PREP: variants seen among roughly 807,000 people sequenced by gnomAD.
The protein encoded by PREP is dJ355L5.1 (prolyl endopeptidase).
A neutral mutation model predicts 87.6 loss-of-function variants in PREP; 29 were observed. The observed-to-expected ratio is 0.33, with a 90% CI of 0.25 to 0.45. PREP has a LOEUF of 0.45. Among genes scored for constraint, PREP ranks in the 20% least tolerant of loss-of-function variants. PREP has a pLI of 1.00. For missense variants in PREP, 695 were observed against 886.5 expected (o/e 0.78, Z 2.74); for synonymous variants, 337 against 328.6 (o/e 1.03, Z -0.28).
At position 105,277,574 on chromosome 6, in the gene PREP, A is replaced by AACTT. The variant is rs1471134066; in HGVS notation, c.*566_*569dup. On this transcript the variant is annotated 3_prime_UTR_variant, in exon 15 of 15. Transcript: ENST00000652536. ...AACAAGGGAGACAGAGTGGATGAAC[A>AACTT]ACTTATTTTCAAAGCTAACAAACAT... 1 of 153,244 alleles carries AACTT rather than the reference A, an allele frequency of 6.5e-6. No individual in the cohort carries two copies. Among genetic ancestry groups the AACTT allele is most frequent in the Non-Finnish European group, 1.4e-5 (1 of 68,984 alleles). The allele number at this position is 153,244 out of a possible 1,614,324, so 9.5% of individuals were successfully genotyped here.
intron 5 of PREP, among the ~76,000 whole-genome samples, chr6:105,372,711 A>G (rs1464399679): frequency 6.6e-6 from 1 of 152,250 alleles, no homozygotes; most frequent in Non-Finnish European, 1.5e-5. Context: ...TTACTGTAGC[A>G]GTAAAGTTTT....
chr6:105,381,650 C>A (rs1410789369), intron 2 of PREP, among the ~76,000 whole-genome samples: 1 of 152,112 alleles, frequency 6.6e-6, no homozygotes, highest in African/African-American at 2.4e-5. Flanking sequence ...GATTTTATAT[C>A]CATAGATGAA....
At chr6:105,364,280 A>G (rs1372271272) in intron 6 of PREP, among the ~76,000 whole-genome samples, 1 of 152,234 alleles carries the variant, frequency 6.6e-6, no homozygotes, top group Non-Finnish European at 1.5e-5. Flanking sequence ...TCGTCCCGGG[A>G]AGACACGCTG....
chr6:105,388,905 T>C (rs1321659172), intron 2 of PREP, among the ~76,000 whole-genome samples: 1 of 152,236 alleles, frequency 6.6e-6, no homozygotes, highest in Non-Finnish European at 1.5e-5. Context: ...TTAAGGCTAC[T>C]GCCTTTAAGT....
chr6:105,393,923 C>CTTTT (rs571952819), intron 2 of PREP, among the ~76,000 whole-genome samples: 1 of 145,662 alleles, frequency 6.9e-6, no homozygotes, highest in Admixed American at 6.9e-5. Flanking sequence ...AGGTATTTTA[C>CTTTT]TTTTTTTTTT....
Position 105,377,387 on chromosome 6 carries a change from G to A in PREP, c.253C>T (p.Arg85Trp), listed in dbSNP as rs1474917244. 1.2e-5 allele frequency: 19 copies of A among 1,600,704 alleles called. No individual in the cohort carries two copies. The highest frequency in any genetic ancestry group is 1.7e-4 in the Middle Eastern group (1 of 6,058). The change falls in exon 3 of 15, where the codon CGG becomes TGG. Residue 85 changes from arginine to tryptophan, a missense_variant and splice_region_variant. By Grantham distance (101) the Arg-to-Trp change is moderately radical (BLOSUM62 -3). Coordinates refer to ENST00000652536, the MANE Select transcript of PREP (RefSeq NM_002726.5). ...KYSCHFKKGK[R>W]YFYFYNTGLQ... The stretch of plus-strand genomic sequence containing the variant: ...GAAATTCAGTAAAAGCAGTCTCACC[G>A]TTTTCCTTTCTTGAAGTGGCAACTA...
At chr6:105,393,601 T>C (rs1310836288) in intron 2 of PREP, among the ~76,000 whole-genome samples, 1 of 152,188 alleles carries the variant, frequency 6.6e-6, no homozygotes, top group Non-Finnish European at 1.5e-5. Context: ...AGTAGATACA[T>C]TATGCAAGCT....
At position 105,278,966 on chromosome 6, in the gene PREP, C is replaced by T. The variant is rs1453313628; in HGVS notation, c.1839-528G>A. On this transcript the variant is annotated intron_variant, in intron 14 of 14. Coordinates refer to ENST00000652536, the MANE Select transcript of PREP (RefSeq NM_002726.5). The surrounding 1 kb of genome is among the most constrained non-coding windows in gnomAD (Gnocchi z 4.2). ...TCTCTGGGCCTAGTTTCTTTGTAAA[C>T]CGAGAAACCTGGATGGGCTGTTGAG... 2 of 152,276 alleles carry T rather than the reference C, an allele frequency of 1.3e-5. No homozygotes were observed. Among genetic ancestry groups the T allele is most frequent in the Admixed American group, 1.3e-4 (2 of 15,294 alleles). The allele number at this position is 152,276 out of a possible 1,614,324, so 9.4% of individuals were successfully genotyped here.
chr6:105,303,170 TCCTCCTGGCTCAG>T (rs1446178526), intron 10 of PREP, among the ~76,000 whole-genome samples: 1 of 151,756 alleles, frequency 6.6e-6, no homozygotes, highest in Non-Finnish European at 1.5e-5. Context: ...GCAATCCTCA[TCCTCCTGGCTCAG>T]CCTCCTGAGT....
At chr6:105,328,222 A>G (rs1403617139) in intron 9 of PREP, among the ~76,000 whole-genome samples, 1 of 152,184 alleles carries the variant, frequency 6.6e-6, no homozygotes, top group East Asian at 1.9e-4. Context: ...TCATGCATAT[A>G]GACCAAAGAC....
chr6:105,393,033 C>T (rs1326292364), intron 2 of PREP, among the ~76,000 whole-genome samples: 1 of 152,176 alleles, frequency 6.6e-6, no homozygotes, highest in Non-Finnish European at 1.5e-5. Flanking sequence ...ATTTTGGTCC[C>T]AGACTGAAAA....
intron 6 of PREP, among the ~76,000 whole-genome samples, chr6:105,359,068 T>G (rs754031029): frequency 3.3e-5 from 5 of 152,172 alleles, no homozygotes; most frequent in Non-Finnish European, 5.9e-5. Context: ...AAAGACACAA[T>G]TTAACACGTG....
At chr6:105,321,118 A>G (rs1007734471) in intron 10 of PREP, among the ~76,000 whole-genome samples, 1 of 152,224 alleles carries the variant, frequency 6.6e-6, no homozygotes, top group African/African-American at 2.4e-5. Flanking sequence ...TTTTAATAAC[A>G]GTACTACGTG....
At chr6:105,297,542 TGA>T (rs1191642315) in intron 10 of PREP, among the ~76,000 whole-genome samples, 1 of 152,186 alleles carries the variant, frequency 6.6e-6, no homozygotes, top group Non-Finnish European at 1.5e-5. Context: ...CTGTAACCAA[TGA>T]GAGAGCTGAT....
intron 10 of PREP, among the ~76,000 whole-genome samples, chr6:105,313,516 T>C (rs1030309776): frequency 6.6e-6 from 1 of 152,230 alleles, no homozygotes; most frequent in South Asian, 2.1e-4. Context: ...AAGCCTTCTC[T>C]AGGCAGAGCA....
chr6:105,336,849 G>C (rs901470628), intron 7 of PREP, among the ~76,000 whole-genome samples: 6 of 152,088 alleles, frequency 3.9e-5, no homozygotes, highest in African/African-American at 7.2e-5. Flanking sequence ...TCCACCTCGT[G>C]GTGGGCTGTA....
rs186522828 is a variant in PREP, at chr6:105,321,532, T to G, written c.1317+2133A>C. Among the ~76,000 whole-genome samples the G allele has an allele frequency of 2.1e-3, 316 of 152,350 alleles. 3 individuals carry two copies. The highest frequency in any genetic ancestry group is 2.6e-3 in the Admixed American group (40 of 15,306). ...CACAGAAGCACTTTCTTAGCTGCCA[T>G]GTTTTATCTTTTCATTTGTAAATGA... On this transcript the variant is annotated intron_variant, in intron 10 of 14. Transcript: ENST00000652536.
chr6:105,394,923 G>A (rs1773251049), intron 2 of PREP, among the ~76,000 whole-genome samples: 1 of 150,416 alleles, frequency 6.6e-6, no homozygotes, highest in African/African-American at 2.5e-5. Context: ...CAGAAATGTG[G>A]AGATCTAGAA....
At chr6:105,387,607 T>TAA (rs564808829) in intron 2 of PREP, among the ~76,000 whole-genome samples, 5 of 94,372 alleles carry the variant, frequency 5.3e-5, no homozygotes, top group Non-Finnish European at 7.4e-5. Flanking sequence ...GCTGATGAGC[T>TAA]AAAAAAAAAA....
Sources: gnomAD v4.1 joint callset for allele counts (sites outside exome capture counted in the v4.1 genomes callset) on GRCh38, gnomAD v4.1.1 for gene constraint, Gnocchi (gnomAD v3.1) non-coding constraint, MANE v1.5 for transcripts, NCBI Gene and HGNC (gene_info 2026-07-23, HGNC 2026-07-21) for gene names.